HEXB: variants seen among roughly 807,000 people sequenced by gnomAD.
The protein encoded by HEXB is beta-hexosaminidase subunit beta.
In HEXB, 51 loss-of-function variants were observed where a neutral mutation model predicts 71.2. That is an observed-to-expected ratio of 0.72 (90% CI 0.57 to 0.90). HEXB has a LOEUF of 0.90. HEXB is among the 40% of genes least tolerant of loss of function. HEXB has a pLI of 0.00. For synonymous variants in HEXB, 266 were observed against 249.3 expected (o/e 1.07, Z -0.63); for missense variants, 617 against 677.0 (o/e 0.91, Z 0.98).
chr5:74,685,760 G>T (rs1206454002), intron 1 of HEXB, among the ~76,000 whole-genome samples: 1 of 152,146 alleles, frequency 6.6e-6, no homozygotes, highest in Non-Finnish European at 1.5e-5. Context: ...GACACCTTGG[G>T]TGCTCAGGAA....
intron 1 of HEXB, among the ~76,000 whole-genome samples, chr5:74,675,116 G>A (rs1748607635): frequency 6.6e-6 from 1 of 152,182 alleles, no homozygotes; most frequent in African/African-American, 2.4e-5. Context: ...AAAGACAGCT[G>A]GAAATTTATA....
chr5:74,708,762 C>T (rs1242722406), intron 6 of HEXB, among the ~76,000 whole-genome samples: 2 of 150,636 alleles, frequency 1.3e-5, no homozygotes. Context: ...TATATATGCA[C>T]CCAATACAGG....
intron 2 of HEXB, among the ~76,000 whole-genome samples, chr5:74,692,377 G>A (rs1488354540): frequency 6.6e-6 from 1 of 151,476 alleles, no homozygotes; most frequent in African/African-American, 2.4e-5. Context: ...AGCCAGGCGT[G>A]GTGGCACATG....
intron 2 of HEXB, among the ~76,000 whole-genome samples, chr5:74,692,466 A>C (rs1749025387): frequency 6.6e-6 from 1 of 152,248 alleles, no homozygotes; most frequent in Admixed American, 6.5e-5. Flanking sequence ...TGGGCAGCAC[A>C]GTGAGACTCT....
intron 1 of HEXB, among the ~76,000 whole-genome samples, chr5:74,674,606 A>G (rs1204631144): frequency 1.3e-5 from 1 of 77,652 alleles, no homozygotes; most frequent in Non-Finnish European, 2.9e-5. Context: ...TCTGTCTCAG[A>G]AAAAAAAAAA....
chr5:74,720,533 T>C lies in HEXB; in HGVS notation c.1508+15T>C. ...CCAAGATTATGGTATGGGATTTACC[T>C]GATAACATTTAAGAATTAAGGTGCC... On this transcript the variant is annotated intron_variant, in intron 12 of 13. Transcript: ENST00000261416. 2.5e-6 allele frequency: 4 copies of C among 1,599,750 alleles called. No homozygotes were observed.
intron 1 of HEXB, among the ~76,000 whole-genome samples, chr5:74,653,519 C>A (rs138009678): frequency 6.6e-6 from 1 of 152,274 alleles, no homozygotes; most frequent in African/African-American, 2.4e-5. Flanking sequence ...GGTTTCAGGG[C>A]TTCTGTGATC....
At chr5:74,692,442 A>C (rs182338761) in intron 2 of HEXB, among the ~76,000 whole-genome samples, 34 of 152,074 alleles carry the variant, frequency 2.2e-4, no homozygotes, top group Middle Eastern at 3.4e-3. Flanking sequence ...TGATTGTGCC[A>C]CTCCACTCCA....
chr5:74,710,722 T>A (rs1030683718), intron 6 of HEXB, among the ~76,000 whole-genome samples: 2 of 151,410 alleles, frequency 1.3e-5, no homozygotes, highest in Admixed American at 1.3e-4. Flanking sequence ...GAATCCAACT[T>A]ACAAGGGATG....
intron 1 of HEXB, 113 bp from the exon 2 acceptor site, chr5:74,689,215 C>T (rs752296226): frequency 3.5e-5 from 30 of 846,730 alleles, no homozygotes; most frequent in Non-Finnish European, 5.8e-5. Flanking sequence ...TCTAGTTGGA[C>T]TTACAATGGG....
At chr5:74,686,641 G>A (rs1748880540) in intron 1 of HEXB, among the ~76,000 whole-genome samples, 1 of 152,114 alleles carries the variant, frequency 6.6e-6, no homozygotes, top group Non-Finnish European at 1.5e-5. Flanking sequence ...GAAGGCTCAT[G>A]GTTTCCTTCT....
At chr5:74,699,947 C>CT (rs5868750) in intron 5 of HEXB, among the ~76,000 whole-genome samples, 126,484 of 140,524 alleles carry the variant, frequency 0.9, 57,030 homozygotes, top group Non-Finnish European at 0.92. Context: ...GAATATAAGC[C>CT]TTTTTTTTAC....
At chr5:74,716,028 AAAAAAAAAAAAAAT>A (rs1402899640) in intron 8 of HEXB, among the ~76,000 whole-genome samples, 6 of 145,682 alleles carry the variant, frequency 4.1e-5, no homozygotes, top group African/African-American at 1.7e-4. Flanking sequence ...AAAAAAAAAA[AAAAAAAAAAAAAAT>A]GGAATAAAAA....
chr5:74,684,214 C>A (rs552541345), upstream of HEXB, among the ~76,000 whole-genome samples: 2 of 152,232 alleles, frequency 1.3e-5, no homozygotes, highest in Non-Finnish European at 2.9e-5. Flanking sequence ...GTCTGCCTAG[C>A]GTTTTCTCCT....
In HEXB at chr5:74,641,991, C is replaced by T. The variant is rs1176036000; in HGVS notation, c.-377+1433C>T. Among the ~76,000 whole-genome samples, 2 of 152,184 alleles carry T rather than the reference C, an allele frequency of 1.3e-5. No homozygotes were observed. Among genetic ancestry groups the T allele is most frequent in the Non-Finnish European group, 2.9e-5 (2 of 68,038 alleles). ...TTCCGTCCCCGGGTCCCCGCGTCCC[C>T]AAGCGCCCGCGCTTCGCCTCCCAGC... is the stretch of plus-strand genomic sequence containing the variant. On this transcript the variant is annotated intron_variant, in intron 1 of 13. Transcript: ENST00000511181. This position sits in a 1 kb window ranked among gnomAD's most constrained non-coding sequence, Gnocchi z 4.1.
intron 1 of HEXB, among the ~76,000 whole-genome samples, chr5:74,645,977 A>G (rs1007997396): frequency 1.3e-5 from 2 of 151,700 alleles, no homozygotes; most frequent in Non-Finnish European, 2.9e-5. Flanking sequence ...CAGTTATGTG[A>G]TTAAGAGTAG....
intron 2 of HEXB, among the ~76,000 whole-genome samples, chr5:74,692,023 A>C (rs1168865555): frequency 2.6e-5 from 4 of 152,274 alleles, no homozygotes; most frequent in African/African-American, 9.6e-5. Context: ...GTTGAATTAC[A>C]GTCCTGTTTA....
intron 2 of HEXB, among the ~76,000 whole-genome samples, chr5:74,690,457 C>T (rs1404274927): frequency 6.8e-6 from 1 of 146,354 alleles, no homozygotes; most frequent in Non-Finnish European, 1.5e-5. Context: ...CAAGACCAGC[C>T]TGGCCAATAT....
chr5:74,678,331 AT>A (rs1748674102), intron 1 of HEXB, among the ~76,000 whole-genome samples: 1 of 149,060 alleles, frequency 6.7e-6, no homozygotes, highest in Non-Finnish European at 1.5e-5. Context: ...AAATAAATAA[AT>A]AAATAAATAC....
Sources: gnomAD v4.1 joint callset for allele counts (sites outside exome capture counted in the v4.1 genomes callset) on GRCh38, gnomAD v4.1.1 for gene constraint, Gnocchi (gnomAD v3.1) non-coding constraint, MANE v1.5 for transcripts, NCBI Gene and HGNC (gene_info 2026-07-23, HGNC 2026-07-21) for gene names.